Variants in CTNNA2 observed in about 807,000 individuals in gnomAD.
The protein encoded by CTNNA2 is catenin alpha 2.
In CTNNA2, 42 loss-of-function variants were observed where a neutral mutation model predicts 101.0. The observed-to-expected ratio is 0.42, with a 90% CI of 0.32 to 0.54. The LOEUF (loss-of-function observed/expected upper bound fraction) is 0.54. CTNNA2 is among the 20% of genes least tolerant of loss of function. The pLI is 0.14. For missense variants in CTNNA2, 871 were observed against 1,223.1 expected (o/e 0.71, Z 4.29); for synonymous variants, 450 against 456.4 (o/e 0.99, Z 0.18).
rs186568228 is a variant in CTNNA2, at chr2:80,093,749, T to C, written c.1056+183952T>C. On this transcript the variant is annotated intron_variant, in intron 7 of 18. Coordinates refer to ENST00000402739, the MANE Select transcript of CTNNA2 (RefSeq NM_001282597.3). ...GTGGTTTTGATTTGTATTTCCCTGA[T>C]GGCCAGTGATGATGAGCATTTTTTC... Among the ~76,000 whole-genome samples, 422 of 152,374 alleles carry C rather than the reference T, an allele frequency of 2.8e-3. 3 individuals are homozygous for C. Among genetic ancestry groups the C allele is most frequent in the African/African-American group, 9.5e-3 (397 of 41,596 alleles).
intron 7 of CTNNA2, among the ~76,000 whole-genome samples, chr2:80,157,745 G>A (rs558228727): frequency 6.6e-6 from 1 of 152,196 alleles, no homozygotes; most frequent in Admixed American, 6.5e-5. Flanking sequence ...GGTATGGTAT[G>A]TCTGTGACAT....
chr2:79,607,801 A>G (rs1677992742), intron 1 of CTNNA2, among the ~76,000 whole-genome samples: 1 of 152,128 alleles, frequency 6.6e-6, no homozygotes. Context: ...CACCCAACAC[A>G]TATAAGAAAA....
At chr2:80,129,885 A>G (rs1302848366) in intron 7 of CTNNA2, among the ~76,000 whole-genome samples, 2 of 152,108 alleles carry the variant, frequency 1.3e-5, no homozygotes, top group Non-Finnish European at 2.9e-5. Flanking sequence ...TGGGAGTGCA[A>G]GTAACCTCAG....
At chr2:79,553,858 T>C (rs1329964284) in intron 1 of CTNNA2, among the ~76,000 whole-genome samples, 2 of 152,106 alleles carry the variant, frequency 1.3e-5, no homozygotes, top group African/African-American at 4.8e-5. Flanking sequence ...CACAAAGAAT[T>C]TTCTTGTGAG....
chr2:80,363,890 A>C (rs1026379051), intron 7 of CTNNA2, among the ~76,000 whole-genome samples: 2 of 152,144 alleles, frequency 1.3e-5, no homozygotes, highest in African/African-American at 4.8e-5. Context: ...CCATTAATTA[A>C]GTGTCTGTTC....
chr2:79,662,587 C>T (rs573772347), intron 2 of CTNNA2, among the ~76,000 whole-genome samples: 1 of 152,154 alleles, frequency 6.6e-6, no homozygotes, highest in East Asian at 1.9e-4. Context: ...CAGGAAAATG[C>T]CTACGAAGTG....
At chr2:80,267,406 C>G (rs1673084264) in intron 7 of CTNNA2, among the ~76,000 whole-genome samples, 1 of 152,222 alleles carries the variant, frequency 6.6e-6, no homozygotes, top group Non-Finnish European at 1.5e-5. Context: ...CATTTGCTGA[C>G]AGCAAAATCT....
intron 9 of CTNNA2, among the ~76,000 whole-genome samples, chr2:80,474,888 T>G (rs1685600861): frequency 6.6e-6 from 1 of 152,186 alleles, no homozygotes; most frequent in Non-Finnish European, 1.5e-5. Flanking sequence ...GGATGGAGAA[T>G]TGAAGAGCAC....
At chr2:79,271,605 C>T (rs1450712903) in intron 2 of CTNNA2, among the ~76,000 whole-genome samples, 1 of 151,922 alleles carries the variant, frequency 6.6e-6, no homozygotes, top group Non-Finnish European at 1.5e-5. Flanking sequence ...GAGGATCATA[C>T]CAGTGGGTGG....
At position 80,224,677 on chromosome 2, in the gene CTNNA2, C is replaced by A. The variant is rs559405139; in HGVS notation, c.1057-168534C>A. On this transcript the variant is annotated intron_variant, in intron 7 of 18. Transcript: ENST00000402739. Reference sequence around the variant, plus strand: ...GCCAGGATGGTCTCAATCTCCTGATCTCGTGATCTGCTCACCTCGGCCTCC... The same window carrying A: ...GCCAGGATGGTCTCAATCTCCTGATATCGTGATCTGCTCACCTCGGCCTCC... Among the ~76,000 whole-genome samples, 15 of 152,190 alleles carry A rather than the reference C, an allele frequency of 9.9e-5. No individual in the cohort carries two copies. The East Asian group carries it at 2.9e-3, about 30-fold the overall frequency.
intron 7 of CTNNA2, among the ~76,000 whole-genome samples, chr2:80,203,945 G>A (rs1707367820): frequency 6.6e-6 from 1 of 152,168 alleles, no homozygotes; most frequent in Non-Finnish European, 1.5e-5. Context: ...GCACCTGCAG[G>A]CTCAACACCA....
Position 80,545,051 on chromosome 2 carries a change from C to G in CTNNA2, c.1360C>G (p.Gln454Glu), listed in dbSNP as rs1300475659. 1 of 1,614,012 alleles carries G rather than the reference C, an allele frequency of 6.2e-7. No homozygotes were observed. Among genetic ancestry groups the G allele is most frequent in the Non-Finnish European group, 8.5e-7 (1 of 1,179,940 alleles). ...GAAATTAGTTCGGATGGCAGCCACC[C>G]AGATTGACAGCCTGTGTCCCCAGGT... ...GVKLVRMAATQIDSLCPQVIN... is the reference protein window; with the variant it reads ...GVKLVRMAATEIDSLCPQVIN... Residue 454 changes from glutamine (Q) to glutamate (E), a missense_variant, in exon 10 of 19, where the codon CAG becomes GAG. Transcript: ENST00000402739.
rs573517956 is a variant in CTNNA2 at position 79,368,146 on chromosome 2, C to T, written c.-317-5685C>T. Among the ~76,000 whole-genome samples the T allele has an allele frequency of 2.0e-5, 3 of 152,296 alleles. No individual in the cohort carries two copies. The South Asian group carries it at 6.2e-4, about 32-fold the overall frequency. ...AAAAGTCAGTACTCTTCATCATGCA[C>T]TTACCTCAGTTTCAAATCAAGAGAA... On this transcript the variant is annotated intron_variant, in intron 3 of 21. Transcript: ENST00000466387.
At chr2:79,347,717 C>T (rs1373481472) in intron 3 of CTNNA2, among the ~76,000 whole-genome samples, 1 of 151,714 alleles carries the variant, frequency 6.6e-6, no homozygotes, top group Non-Finnish European at 1.5e-5. Context: ...GATCTTTCTA[C>T]TACATCTGAC....
intron 2 of CTNNA2, among the ~76,000 whole-genome samples, chr2:79,220,254 G>A (rs1318078509): frequency 1.3e-5 from 2 of 152,040 alleles, no homozygotes; most frequent in Non-Finnish European, 2.9e-5. Flanking sequence ...TTCAAAGGGT[G>A]GGAAAATTAA....
At chr2:80,614,844 C>G (rs551699698) in intron 17 of CTNNA2, among the ~76,000 whole-genome samples, 1 of 151,312 alleles carries the variant, frequency 6.6e-6, no homozygotes, top group African/African-American at 2.4e-5. Context: ...TTATGGGAAG[C>G]CAAAGTGTTG....
intron 3 of CTNNA2, among the ~76,000 whole-genome samples, chr2:79,788,498 A>G (rs1675021139): frequency 6.6e-6 from 1 of 152,198 alleles, no homozygotes; most frequent in Non-Finnish European, 1.5e-5. Flanking sequence ...CAGTTTCAGA[A>G]TCAGAGGTTG....
At chr2:79,783,030 C>T (rs1368615576) in intron 3 of CTNNA2, among the ~76,000 whole-genome samples, 4 of 151,382 alleles carry the variant, frequency 2.6e-5, no homozygotes, top group Non-Finnish European at 5.9e-5. Context: ...TAATTGTCAG[C>T]AATTGTGCTT....
chr2:79,421,632 T>C (rs1678541359), intron 4 of CTNNA2, among the ~76,000 whole-genome samples: 1 of 152,102 alleles, frequency 6.6e-6, no homozygotes, highest in Non-Finnish European at 1.5e-5. Context: ...AATAACTTGA[T>C]TTGGTATCGG....
Sources: allele counts gnomAD v4.1 joint callset (sites outside exome capture counted in the v4.1 genomes callset), GRCh38; gene constraint gnomAD v4.1.1; transcripts MANE v1.5; gene names NCBI Gene and HGNC (gene_info 2026-07-23, HGNC 2026-07-21).